The following PTPRZ1 variants were observed in gnomAD, a reference collection of about 807,000 sequenced individuals.
PTPRZ1 encodes receptor-type tyrosine-protein phosphatase zeta.
A neutral mutation model predicts 214.1 loss-of-function variants in PTPRZ1; 82 were observed. That is an observed-to-expected ratio of 0.38 (90% CI 0.32 to 0.46). PTPRZ1 has a LOEUF of 0.46. Among genes scored for constraint, PTPRZ1 ranks in the 20% least tolerant of loss-of-function variants. The probability of loss-of-function intolerance (pLI) is 1.00; values close to 1 mark genes in which losing one functional copy is unlikely to be tolerated. For missense variants in PTPRZ1, 2,603 were observed against 2,748.7 expected, an observed-to-expected ratio of 0.95 and a Z score of 1.19; for synonymous variants, 945 against 987.9, an observed-to-expected ratio of 0.96 and a Z score of 0.81.
At chr7:121,958,583 C>T (rs1279515683) in intron 2 of PTPRZ1, among the ~76,000 whole-genome samples, 1 of 152,160 alleles carries the variant, frequency 6.6e-6, no homozygotes, top group Non-Finnish European at 1.5e-5. Flanking sequence ...CAGACCAGTG[C>T]CTCCCAGACC....
intron 23 of PTPRZ1, among the ~76,000 whole-genome samples, chr7:122,044,934 G>A (rs1407439618): frequency 6.6e-6 from 1 of 151,556 alleles, no homozygotes; most frequent in Non-Finnish European, 1.5e-5. Context: ...TGAGTGCGGT[G>A]GCTCAGGCTG....
At chr7:121,944,646 A>ATT (rs67672769) in intron 2 of PTPRZ1, among the ~76,000 whole-genome samples, 86,500 of 150,586 alleles carry the variant, frequency 0.57, 25,196 homozygotes, top group African/African-American at 0.67. Flanking sequence ...TACAGATTAC[A>ATT]TTTTTTTTTT....
chr7:121,923,816 A>G (rs1030765775), intron 1 of PTPRZ1, among the ~76,000 whole-genome samples: 7 of 152,028 alleles, frequency 4.6e-5, no homozygotes, highest in Non-Finnish European at 8.8e-5. Flanking sequence ...ATATGTCTTT[A>G]TAATACATAT....
Position 122,019,142 on chromosome 7 carries a change from A to G in PTPRZ1, c.4862A>G (p.His1621Arg). The change falls in exon 13 of 30, where the codon CAT (histidine) becomes CGT (arginine). Residue 1621 changes from histidine to arginine, a missense_variant. By Grantham distance (29) the His-to-Arg change is conservative. Transcript: ENST00000393386. ...VSEAEASNSS[H>R]ESRIGLAEGL... ...ACTACAGAGGCCAGTAATAGTAGCC[A>G]TGAGTCTCGTATTGGTCTAGCTGAG... The G allele has an allele frequency of 6.2e-7, 1 of 1,611,884 alleles. No homozygotes were observed. Among genetic ancestry groups the G allele is most frequent in the Non-Finnish European group, 8.5e-7 (1 of 1,178,220 alleles).
chr7:122,040,614 G>A (rs1391486811), intron 20 of PTPRZ1, among the ~76,000 whole-genome samples: 9 of 152,154 alleles, frequency 5.9e-5, no homozygotes, highest in Admixed American at 5.9e-4. Flanking sequence ...GGCCACCATA[G>A]TATAGCCAAG....
At chr7:121,914,969 C>T (rs1443498853) in intron 1 of PTPRZ1, among the ~76,000 whole-genome samples, 6 of 152,152 alleles carry the variant, frequency 3.9e-5, no homozygotes, top group East Asian at 1.9e-4. Context: ...GGACTGGAAA[C>T]GAGGGCAAAA....
intron 2 of PTPRZ1, among the ~76,000 whole-genome samples, chr7:121,939,568 T>C (rs1004735564): frequency 7.9e-5 from 12 of 152,238 alleles, no homozygotes; most frequent in African/African-American, 2.9e-4. Flanking sequence ...TCATTCAGAT[T>C]TTTATGTTCA....
intron 1 of PTPRZ1, among the ~76,000 whole-genome samples, chr7:121,887,867 T>TC (rs1419286350): frequency 6.6e-6 from 1 of 151,892 alleles, no homozygotes; most frequent in Non-Finnish European, 1.5e-5. Flanking sequence ...CACCTCTTCA[T>TC]CCCCCCAACA....
chr7:121,876,974 C>CCATT (rs1385268639), intron 1 of PTPRZ1, among the ~76,000 whole-genome samples: 1 of 152,072 alleles, frequency 6.6e-6, no homozygotes, highest in Non-Finnish European at 1.5e-5. Context: ...GCTTGACCAC[C>CCATT]CATTTGCTGA....
chr7:122,027,411 G>A (rs1799235100), intron 13 of PTPRZ1, among the ~76,000 whole-genome samples: 1 of 152,090 alleles, frequency 6.6e-6, no homozygotes, highest in African/African-American at 2.4e-5. Context: ...GCAGCGAGAA[G>A]CCATTCAAGA....
intron 8 of PTPRZ1, among the ~76,000 whole-genome samples, chr7:121,992,282 C>T (rs773523917): frequency 2.0e-5 from 3 of 152,240 alleles, no homozygotes; most frequent in African/African-American, 4.8e-5. Context: ...TGGAAAGAAT[C>T]TCCTATCTCC....
Position 122,012,884 on chromosome 7 carries a change from C to G in PTPRZ1, c.3838C>G (p.His1280Asp). The change falls in exon 12 of 30, where the codon CAC becomes GAC. Residue 1280 changes from histidine to aspartate, a missense_variant. By Grantham distance (81) the His-to-Asp change is moderately conservative (BLOSUM62 -1). Around this residue, in one of 6 missense-constraint regions of PTPRZ1, gnomAD observed 1,913 missense variants for 1,914.3 expected, o/e 1.00. Transcript: ENST00000393386. ...AGTTTTGTTAAAAAGTGAAAGTTCC[C>G]ACCAAGTGGTACCTTCTTTGTACAG... ...EPVLLKSESS[H>D]QVVPSLYSND... 6.2e-7 allele frequency: 1 copy of G among 1,614,126 alleles called. No homozygotes were observed. Among genetic ancestry groups the G allele is most frequent in the Non-Finnish European group, 8.5e-7 (1 of 1,180,014 alleles).
intron 11 of PTPRZ1, among the ~76,000 whole-genome samples, chr7:122,008,626 A>C (rs991719499): frequency 6.6e-6 from 1 of 152,116 alleles, no homozygotes; most frequent in Non-Finnish European, 1.5e-5. Context: ...CCCTGAAAAC[A>C]GGAAGGCCAT....
At chr7:121,980,908 C>T (rs889559701) in intron 6 of PTPRZ1, among the ~76,000 whole-genome samples, 22 of 151,902 alleles carry the variant, frequency 1.4e-4, no homozygotes, top group Non-Finnish European at 3.2e-4. Flanking sequence ...TTTGGGAGGC[C>T]GAGGCGGGCG....
chr7:122,018,666 T>C (rs1465195907), intron 12 of PTPRZ1, among the ~76,000 whole-genome samples: 16 of 152,174 alleles, frequency 1.1e-4, no homozygotes, highest in Non-Finnish European at 2.1e-4. Flanking sequence ...CTTCATGAAA[T>C]TATTAATTGC....
chr7:121,908,862 T>C (rs1255621167), intron 1 of PTPRZ1: 1 of 484,514 alleles, frequency 2.1e-6, no homozygotes, highest in East Asian at 5.8e-5. Context: ...TATGGAAATA[T>C]ATATAAAATA....
chr7:121,967,888 G>A (rs1797090864), intron 2 of PTPRZ1, 63 bp from the exon 3 acceptor site: 6 of 1,238,262 alleles, frequency 4.8e-6, no homozygotes, highest in Middle Eastern at 2.6e-4. Context: ...TAACTATAAT[G>A]TAAAGTTTAA....
At chr7:121,908,851 A>G (rs528427532) in intron 1 of PTPRZ1, 57 of 482,330 alleles carry the variant, frequency 1.2e-4, no homozygotes, top group South Asian at 4.7e-4. Context: ...ATAGTTTTGT[A>G]TATGGAAATA....
At position 122,011,198 on chromosome 7, in the gene PTPRZ1, T is replaced by C. The variant is rs751142758; in HGVS notation, c.2152T>C (p.Tyr718His). 1.9e-6 allele frequency: 3 copies of C among 1,614,132 alleles called. No individual in the cohort carries two copies. The highest frequency in any genetic ancestry group is 2.5e-6 in the Non-Finnish European group (3 of 1,180,002). Residue 718 changes from tyrosine to histidine, a missense_variant, in exon 12 of 30, where the codon TAC becomes CAC. Coordinates refer to ENST00000393386, the MANE Select transcript of PTPRZ1 (RefSeq NM_002851.3). ...LEMPHYSTFA[Y>H]FPTEVTPHAF... The stretch of plus-strand genomic sequence containing the variant: ...AATGCCACATTATTCTACCTTTGCC[T>C]ACTTCCCAACTGAGGTAACACCTCA...
Sources: gnomAD v4.1 joint callset for allele counts (sites outside exome capture counted in the v4.1 genomes callset) on GRCh38, gnomAD v4.1.1 for gene constraint, gnomAD v4.1.1 regional missense constraint, MANE v1.5 for transcripts, NCBI Gene and HGNC (gene_info 2026-07-23, HGNC 2026-07-21) for gene names.